The following MFN2 variants were observed in gnomAD, a reference collection of about 807,000 sequenced individuals.
The protein encoded by MFN2 is mitofusin 2, also known as mitofusin-2.
In MFN2, 43 loss-of-function variants were observed where a neutral mutation model predicts 87.5. The observed-to-expected ratio is 0.49, with a 90% CI of 0.38 to 0.63. The LOEUF (loss-of-function observed/expected upper bound fraction) is 0.63. Among genes scored for constraint, MFN2 ranks in the 30% least tolerant of loss-of-function variants. The pLI, the probability that MFN2 is intolerant of heterozygous loss-of-function variation, is 0.00. For synonymous variants in MFN2, 337 were observed against 359.9 expected (o/e 0.94, Z 0.72); for missense variants, 743 against 972.8 (o/e 0.76, Z 3.14).
At chr1:12,002,976 G>A (rs937014077) in intron 11 of MFN2, among the ~76,000 whole-genome samples, 6 of 152,106 alleles carry the variant, frequency 3.9e-5, no homozygotes, top group Non-Finnish European at 7.4e-5. Flanking sequence ...TCTCAACATC[G>A]TTTTTCCCTC....
chr1:11,991,560 A>G (rs1181363888), intron 3 of MFN2, among the ~76,000 whole-genome samples: 1 of 151,974 alleles, frequency 6.6e-6, no homozygotes, highest in Non-Finnish European at 1.5e-5. Context: ...GAGTTTGGGG[A>G]TATGGTGAGG....
intron 2 of MFN2, among the ~76,000 whole-genome samples, chr1:11,984,084 G>A (rs1205368769): frequency 1.3e-5 from 2 of 152,212 alleles, no homozygotes; most frequent in Non-Finnish European, 2.9e-5. Context: ...GAGCTCCCAA[G>A]CTTCTACTGG....
At chr1:11,985,490 G>A (rs1638361441) in intron 2 of MFN2, among the ~76,000 whole-genome samples, 1 of 124,254 alleles carries the variant, frequency 8.0e-6, no homozygotes, top group African/African-American at 3.3e-5. Context: ...TTTAAAGAGA[G>A]AGACTTCGCT....
chr1:11,989,407 T>G, intron 3 of MFN2, 64 bp downstream of exon 3: 1 of 1,577,026 alleles, frequency 6.3e-7, no homozygotes, highest in Non-Finnish European at 8.7e-7. Flanking sequence ...TAGTGGGATT[T>G]GCGGGTGGGG....
chr1:12,005,972 A>C, intron 15 of MFN2, 41 bp downstream of exon 15: 1 of 1,583,416 alleles, frequency 6.3e-7, no homozygotes, highest in Non-Finnish European at 8.7e-7. Flanking sequence ...GTGGGGGGTC[A>C]GTCTGTACCC....
intron 2 of MFN2, among the ~76,000 whole-genome samples, chr1:11,988,438 T>C (rs1481332973): frequency 6.8e-6 from 1 of 147,276 alleles, no homozygotes; most frequent in African/African-American, 2.5e-5. Flanking sequence ...GACGGGGTCC[T>C]ACATTGCCTA....
At chr1:11,983,066 GT>G (rs1002991447) in intron 2 of MFN2, among the ~76,000 whole-genome samples, 1 of 151,662 alleles carries the variant, frequency 6.6e-6, no homozygotes, top group East Asian at 1.9e-4. Context: ...TTTGTTTTTT[GT>G]TTTTTTTGAG....
chr1:12,007,436 C>T (rs1235137091), intron 17 of MFN2, among the ~76,000 whole-genome samples, 187 bp downstream of exon 17: 1 of 152,214 alleles, frequency 6.6e-6, no homozygotes, highest in African/African-American at 2.4e-5. Context: ...CCCAGGGACA[C>T]TTTGCGTCTT....
At chr1:11,981,019 C>G (rs995312909) in intron 1 of MFN2, among the ~76,000 whole-genome samples, 2 of 152,206 alleles carry the variant, frequency 1.3e-5, no homozygotes, top group African/African-American at 4.8e-5. Flanking sequence ...TTAAGACGCA[C>G]GAAGGCAGAA....
At chr1:12,000,873 T>G (rs1639140613) in intron 8 of MFN2, among the ~76,000 whole-genome samples, 2 of 152,192 alleles carry the variant, frequency 1.3e-5, no homozygotes, top group Admixed American at 6.5e-5. Flanking sequence ...TTTCTGCTTG[T>G]ATATGCATAA....
chr1:12,005,568 G>A, intron 14 of MFN2, 143 bp from the exon 15 acceptor site: 1 of 877,978 alleles, frequency 1.1e-6, no homozygotes, highest in Non-Finnish European at 1.9e-6. Flanking sequence ...AGTCTCACGG[G>A]CCAACTTGAC....
chr1:11,980,837 C>T (rs958721099), intron 1 of MFN2, among the ~76,000 whole-genome samples: 2 of 152,250 alleles, frequency 1.3e-5, no homozygotes, highest in Non-Finnish European at 2.9e-5. Context: ...CGCGGGAGCG[C>T]CCTGCCATCC....
chr1:12,008,593 C>G (rs1247856337), intron 17 of MFN2, among the ~76,000 whole-genome samples: 1 of 149,072 alleles, frequency 6.7e-6, no homozygotes, highest in Non-Finnish European at 1.5e-5. Flanking sequence ...CAGAGACGCT[C>G]CTCACCTCCT....
rs759372833 is a variant in MFN2 at position 12,006,599 on chromosome 1, C to T, written c.1778C>T (p.Ser593Leu). The T allele has an allele frequency of 6.2e-6, 10 of 1,614,106 alleles. No individual in the cohort carries two copies. The highest frequency in any genetic ancestry group is 3.3e-5 in the South Asian group (3 of 91,092). The change falls in exon 16 of 19, where the codon TCG becomes TTG. Residue 593 changes from serine to leucine, a missense_variant. Physicochemically the swap from Ser to Leu is moderately radical, Grantham distance 145. Coordinates refer to ENST00000235329, the MANE Select transcript of MFN2 (RefSeq NM_014874.4). ...NPSMPPLPQG[S>L]LTQEEFMVSM... is the part of the protein sequence containing the mutation. ...AGCATGCCCCCACTGCCACAGGGCT[C>T]GCTCACCCAGGAGGAGTTCATGGTT...
rs1449748553 is a variant in MFN2, at chr1:11,981,985, T to G, written c.-134T>G. ...TTCTAATAAGTCAGGACTGGTGGAG[T>G]CAACACAGTCAATCAATAGCCAACC... On this transcript the variant is annotated 5_prime_UTR_variant, in exon 2 of 19. Coordinates refer to ENST00000235329, the MANE Select transcript of MFN2 (RefSeq NM_014874.4). The G allele has an allele frequency of 6.8e-5, 10 of 147,242 alleles. No homozygotes were observed. Among genetic ancestry groups the G allele is most frequent in the Admixed American group, 6.2e-4 (9 of 14,562 alleles). 9.1% of individuals were successfully genotyped at this position (147,242 alleles called of 1,614,324 possible).
chr1:12,005,659 T>A, intron 14 of MFN2, 52 bp from the exon 15 acceptor site: 4 of 1,563,018 alleles, frequency 2.6e-6, no homozygotes, highest in Non-Finnish European at 3.5e-6. Context: ...TTGGTGCCGC[T>A]GTGGTGCAGG....
chr1:11,998,499 G>A (rs1302020540), intron 6 of MFN2, among the ~76,000 whole-genome samples: 1 of 152,142 alleles, frequency 6.6e-6, no homozygotes, highest in African/African-American at 2.4e-5. Context: ...AGTGAGCCGA[G>A]ATCGTGCCAT....
Position 11,984,506 on chromosome 1 carries a change from G to T in MFN2, c.-5+2392G>T, listed in dbSNP as rs117631615. Among the ~76,000 whole-genome samples the T allele has an allele frequency of 4.4e-3, 666 of 152,322 alleles. 8 individuals carry two copies. The highest frequency in any genetic ancestry group is 0.042 in the East Asian group (219 of 5,190). ...TTCTCACAGTTTAGATGGTATTGTG[G>T]TATTAGGATATTGGTTTTCATCCAC... is the stretch of plus-strand genomic sequence containing the variant. On this transcript the variant is annotated intron_variant, in intron 2 of 18. Coordinates refer to ENST00000235329, the MANE Select transcript of MFN2 (RefSeq NM_014874.4).
chr1:12,006,788 C>G, intron 16 of MFN2, 95 bp downstream of exon 16: 1 of 1,536,706 alleles, frequency 6.5e-7, no homozygotes, highest in South Asian at 1.1e-5. Flanking sequence ...CATTGGGCCA[C>G]ACTCCACAGT....
Sources: allele counts gnomAD v4.1 joint callset (sites outside exome capture counted in the v4.1 genomes callset), GRCh38; gene constraint gnomAD v4.1.1; transcripts MANE v1.5; gene names NCBI Gene and HGNC (gene_info 2026-07-23, HGNC 2026-07-21).